The following TMCC2 variants were observed in gnomAD, a reference collection of about 807,000 sequenced individuals.
TMCC2 encodes the protein transmembrane and coiled-coil domain family 2, also known as transmembrane and coiled-coil domains protein 2.
A neutral mutation model predicts 49.4 loss-of-function variants in TMCC2; 16 were observed. The observed-to-expected ratio is 0.32, with a 90% CI of 0.22 to 0.49. The LOEUF is 0.49. Ranked by LOEUF, TMCC2 falls within the 20% of genes least tolerant of loss-of-function variation. TMCC2 has a pLI of 0.99. For missense variants in TMCC2, 762 were observed against 989.8 expected, an observed-to-expected ratio of 0.77 and a Z score of 3.09; for synonymous variants, 397 against 434.1, an observed-to-expected ratio of 0.91 and a Z score of 1.06.
intron 2 of TMCC2, chr1:205,246,505 T>G: frequency 6.7e-7 from 1 of 1,483,326 alleles, no homozygotes; most frequent in Non-Finnish European, 9.0e-7. Context: ...CTGAACCATT[T>G]GCAAGCCTAG....
intron 4 of TMCC2, 67 bp from the exon 5 acceptor site, chr1:205,271,746 G>A (rs1343052707): frequency 1.3e-6 from 2 of 1,553,448 alleles, no homozygotes; most frequent in Admixed American, 3.5e-5. Flanking sequence ...AGTGGGGTAG[G>A]TAGGTTTTCA....
chr1:205,256,672 G>A (rs1219828123), intron 2 of TMCC2, among the ~76,000 whole-genome samples: 1 of 152,200 alleles, frequency 6.6e-6, no homozygotes, highest in African/African-American at 2.4e-5. Context: ...AGCAGGGAGA[G>A]GAGGAGAGGA....
chr1:205,229,873 T>C (rs945926994), intron 1 of TMCC2: 1 of 985,288 alleles, frequency 1.0e-6, no homozygotes, highest in Non-Finnish European at 1.2e-6. Flanking sequence ...AGATAAATAA[T>C]GCACCTTTGC....
chr1:205,238,776 G>A lies in TMCC2; in HGVS notation c.208-2729G>A, dbSNP rs573715329. Among the ~76,000 whole-genome samples the A allele has an allele frequency of 1.9e-4, 29 of 152,228 alleles. 1 individual carries two copies. The South Asian group carries it at 5.8e-3, about 30-fold the overall frequency. On this transcript the variant is annotated intron_variant, in intron 1 of 4. Coordinates refer to ENST00000358024, the MANE Select transcript of TMCC2 (RefSeq NM_014858.4). The stretch of plus-strand genomic sequence containing the variant: ...AGGTAAATTCAATTAGAAGTCGGGG[G>A]TTTCTCTGTGTGGCTTGGATGAGCC...
chr1:205,267,833 C>T (rs920911078), intron 2 of TMCC2: 19 of 973,294 alleles, frequency 2.0e-5, no homozygotes, highest in African/African-American at 8.8e-5. Flanking sequence ...TTCCTTCCTA[C>T]GCATTCACCC....
intron 2 of TMCC2, among the ~76,000 whole-genome samples, chr1:205,251,725 G>A (rs1268411006): frequency 6.6e-6 from 1 of 152,244 alleles, no homozygotes; most frequent in East Asian, 1.9e-4. Flanking sequence ...GGGGCTCAAT[G>A]GCTTATGGGC....
chr1:205,231,246 C>A (rs770958534), intron 1 of TMCC2, among the ~76,000 whole-genome samples: 1 of 151,966 alleles, frequency 6.6e-6, no homozygotes, highest in Non-Finnish European at 1.5e-5. Flanking sequence ...TCAACTTTTC[C>A]GAGCCTTTTT....
intron 2 of TMCC2, among the ~76,000 whole-genome samples, chr1:205,247,032 G>A (rs933880825): frequency 8.5e-5 from 13 of 152,152 alleles, no homozygotes; most frequent in Non-Finnish European, 1.3e-4. Flanking sequence ...TATGGAAGAC[G>A]AGACCCAGAC....
chr1:205,257,569 G>C (rs530866638), intron 2 of TMCC2, among the ~76,000 whole-genome samples: 5 of 152,226 alleles, frequency 3.3e-5, no homozygotes, highest in Non-Finnish European at 7.3e-5. Flanking sequence ...AGAGCCCCTG[G>C]GGTTGGATGT....
Position 205,268,932 on chromosome 1 carries a change from G to A in TMCC2, c.748-18G>A. On this transcript the variant is annotated intron_variant, in intron 2 of 4. Transcript: ENST00000358024. ...CCCAGGGTTTACCCATGCTTCCTCT[G>A]CCTGCCTCTTTCCCCAGGTCGATAA... The A allele has an allele frequency of 1.2e-6, 2 of 1,609,430 alleles. No homozygotes were observed.
chr1:205,228,927 A>G (rs1160897962), intron 1 of TMCC2, 156 bp downstream of exon 1: 1 of 1,428,080 alleles, frequency 7.0e-7, no homozygotes, highest in Non-Finnish European at 9.1e-7. Flanking sequence ...GGGGGACGTC[A>G]GGTACCATTT....
In TMCC2 at chr1:205,271,813, G is replaced by A; in HGVS notation, c.1819G>A (p.Glu607Lys). 1 of 1,608,670 alleles carries A rather than the reference G, an allele frequency of 6.2e-7. No individual in the cohort carries two copies. Among genetic ancestry groups the A allele is most frequent in the Non-Finnish European group, 8.5e-7 (1 of 1,179,100 alleles). Residue 607 changes from glutamate (E) to lysine (K), a missense_variant and splice_region_variant, in exon 5 of 5, where the codon GAG becomes AAG. Glu to Lys is a moderately conservative substitution (Grantham distance 56, BLOSUM62 1). Around this residue, in one of 2 missense-constraint regions of TMCC2, gnomAD observed 440 missense variants for 636.7 expected, o/e 0.69. Transcript: ENST00000358024. ...CATGCCAGCCCCTCTGCCCCTGCAG[G>A]AGGCCGTGGAGTCCTGCCTGACCCG... is the stretch of plus-strand genomic sequence containing the variant. Reference protein sequence around the residue: ...QSYERARDIQEAVESCLTRVT... With the variant: ...QSYERARDIQKAVESCLTRVT...
intron 2 of TMCC2, among the ~76,000 whole-genome samples, chr1:205,258,789 G>A (rs1660984584): frequency 6.6e-6 from 1 of 152,248 alleles, no homozygotes; most frequent in African/African-American, 2.4e-5. Context: ...AAGGTCACAT[G>A]ACCTCTTTGG....
chr1:205,246,143 G>A (rs1488346432), intron 2 of TMCC2, among the ~76,000 whole-genome samples: 2 of 152,080 alleles, frequency 1.3e-5, no homozygotes, highest in Admixed American at 6.6e-5. Context: ...CAAAGATCAA[G>A]CCACAAAGGT....
intron 1 of TMCC2, among the ~76,000 whole-genome samples, chr1:205,238,394 C>T (rs1303004469): frequency 6.6e-6 from 1 of 152,148 alleles, no homozygotes; most frequent in Non-Finnish European, 1.5e-5. Context: ...TTGGAGTAAT[C>T]TCCTCTCTCT....
At chr1:205,248,377 C>T (rs191872353) in intron 2 of TMCC2, among the ~76,000 whole-genome samples, 1 of 152,190 alleles carries the variant, frequency 6.6e-6, no homozygotes, top group Non-Finnish European at 1.5e-5. Context: ...CCACTGCACT[C>T]CAGCCTGGGT....
Position 205,271,211 on chromosome 1 carries a change from G to A in TMCC2, c.1774G>A (p.Glu592Lys). The part of the protein sequence containing the change: ...NLKQELASME[E>K]KVAYQSYERA... The stretch of plus-strand genomic sequence containing the variant: ...GAAGCAGGAGCTGGCCAGCATGGAG[G>A]AGAAGGTGGCCTACCAGTCCTATGA... Residue 592 changes from glutamate (E) to lysine (K), a missense_variant, in exon 4 of 5, where the codon GAG becomes AAG. Transcript: ENST00000358024. 6.2e-7 allele frequency: 1 copy of A among 1,614,168 alleles called. No homozygotes were observed. The highest frequency in any genetic ancestry group is 2.2e-5 in the East Asian group (1 of 44,870).
chr1:205,271,690 C>T (rs1661600151), intron 4 of TMCC2, 123 bp from the exon 5 acceptor site: 2 of 1,311,086 alleles, frequency 1.5e-6, no homozygotes. Context: ...TCAACCTCCA[C>T]TCCTCCTGGC....
chr1:205,230,119 G>A (rs1227383806), intron 1 of TMCC2: 6 of 985,402 alleles, frequency 6.1e-6, no homozygotes, highest in Non-Finnish European at 7.2e-6. Flanking sequence ...ATAAGCCAAT[G>A]CCATTCCTCA....
Sources: gnomAD v4.1 joint callset for allele counts (sites outside exome capture counted in the v4.1 genomes callset) on GRCh38, gnomAD v4.1.1 for gene constraint, gnomAD v4.1.1 regional missense constraint, MANE v1.5 for transcripts, NCBI Gene and HGNC (gene_info 2026-07-23, HGNC 2026-07-21) for gene names.